The following FCHSD2 variants were observed in gnomAD, a reference collection of about 807,000 sequenced individuals.
FCHSD2 encodes F-BAR and double SH3 domains protein 2.
In FCHSD2, 38 loss-of-function variants were observed where a neutral mutation model predicts 108.1. The observed-to-expected ratio is 0.35, with a 90% CI of 0.27 to 0.46. The LOEUF (loss-of-function observed/expected upper bound fraction) is 0.46. Among genes scored for constraint, FCHSD2 ranks in the 20% least tolerant of loss-of-function variants. FCHSD2 has a pLI of 1.00. For missense variants in FCHSD2, 751 were observed against 897.8 expected, an observed-to-expected ratio of 0.84 and a Z score of 2.09; for synonymous variants, 279 against 314.7, an observed-to-expected ratio of 0.89 and a Z score of 1.20.
intron 8 of FCHSD2, among the ~76,000 whole-genome samples, chr11:72,980,899 T>G (rs1223612903): frequency 6.6e-6 from 1 of 152,100 alleles, no homozygotes; most frequent in African/African-American, 2.4e-5. Flanking sequence ...TGTGTATGAT[T>G]AAACCAACAA....
intron 3 of FCHSD2, among the ~76,000 whole-genome samples, chr11:73,052,791 T>C (rs998276742): frequency 6.6e-6 from 1 of 152,192 alleles, no homozygotes; most frequent in Non-Finnish European, 1.5e-5. Flanking sequence ...CAAAAAAAGA[T>C]GCTAATAGCA....
At chr11:73,081,026 T>C (rs911832991) in intron 3 of FCHSD2, among the ~76,000 whole-genome samples, 4 of 152,090 alleles carry the variant, frequency 2.6e-5, no homozygotes, top group African/African-American at 7.2e-5. Context: ...AAAGTAGACA[T>C]CCACTTTTAA....
chr11:73,117,780 T>C (rs1860638477), intron 2 of FCHSD2, among the ~76,000 whole-genome samples: 1 of 152,202 alleles, frequency 6.6e-6, no homozygotes, highest in Non-Finnish European at 1.5e-5. Flanking sequence ...TTATCACATA[T>C]CTATCCATTT....
At chr11:72,984,003 T>C (rs1857264421) in intron 8 of FCHSD2, 85 bp downstream of exon 8, 3 of 1,076,192 alleles carry the variant, frequency 2.8e-6, no homozygotes, top group Non-Finnish European at 4.2e-6. Context: ...CTTTTATAGA[T>C]TCAATCCCAT....
intron 5 of FCHSD2, among the ~76,000 whole-genome samples, chr11:72,993,756 T>G (rs2135409874): frequency 2.7e-5 from 3 of 112,188 alleles, no homozygotes; most frequent in African/African-American, 6.8e-5. Flanking sequence ...TGGGGCCTGT[T>G]GTGGGGTGAG....
intron 3 of FCHSD2, among the ~76,000 whole-genome samples, chr11:73,049,923 AG>A (rs1858859664): frequency 6.6e-6 from 1 of 152,194 alleles, no homozygotes; most frequent in Admixed American, 6.5e-5. Context: ...TGTACAAGGA[AG>A]GTTTCTTAAA....
At chr11:73,140,655 C>A (rs1238033237) in intron 1 of FCHSD2, among the ~76,000 whole-genome samples, 3 of 152,240 alleles carry the variant, frequency 2.0e-5, no homozygotes, top group Non-Finnish European at 4.4e-5. Flanking sequence ...CCTCGACTTG[C>A]TGACAGCGCA....
intron 8 of FCHSD2, among the ~76,000 whole-genome samples, chr11:72,963,978 T>G (rs1856860518): frequency 6.6e-6 from 1 of 152,320 alleles, no homozygotes; most frequent in Non-Finnish European, 1.5e-5. Flanking sequence ...AACTTGGAAG[T>G]AGATCTTTAC....
intron 3 of FCHSD2, among the ~76,000 whole-genome samples, chr11:73,025,636 C>T (rs1380540757): frequency 1.3e-5 from 2 of 151,964 alleles, no homozygotes; most frequent in Non-Finnish European, 2.9e-5. Flanking sequence ...TACCCCTGAA[C>T]TTAAAATAAA....
intron 12 of FCHSD2, among the ~76,000 whole-genome samples, chr11:72,881,537 A>G (rs1257203073): frequency 1.3e-5 from 2 of 152,200 alleles, no homozygotes; most frequent in Admixed American, 6.5e-5. Context: ...CCTCTTTTGG[A>G]TATTTATCCA....
At chr11:72,967,384 A>G (rs1410669524) in intron 8 of FCHSD2, among the ~76,000 whole-genome samples, 1 of 152,130 alleles carries the variant, frequency 6.6e-6, no homozygotes, top group Non-Finnish European at 1.5e-5. Context: ...GAATGGGTAA[A>G]CAAAATATGG....
chr11:72,961,149 C>T (rs980460155), intron 8 of FCHSD2, among the ~76,000 whole-genome samples: 3 of 151,914 alleles, frequency 2.0e-5, no homozygotes, highest in Non-Finnish European at 4.4e-5. Flanking sequence ...TGGTATCTGC[C>T]CTCCCAATTC....
chr11:72,952,281 C>A (rs1856633697), intron 8 of FCHSD2, among the ~76,000 whole-genome samples: 1 of 151,808 alleles, frequency 6.6e-6, no homozygotes, highest in Non-Finnish European at 1.5e-5. Context: ...AGAGCAAAAA[C>A]AATTCCATAC....
intron 8 of FCHSD2, among the ~76,000 whole-genome samples, chr11:72,937,788 T>C (rs1342404497): frequency 6.6e-6 from 1 of 152,196 alleles, no homozygotes; most frequent in Non-Finnish European, 1.5e-5. Flanking sequence ...TTATACAGGG[T>C]GCTAGAAGAG....
At chr11:73,035,140 G>T (rs1430267412) in intron 3 of FCHSD2, among the ~76,000 whole-genome samples, 2 of 148,858 alleles carry the variant, frequency 1.3e-5, no homozygotes, top group Non-Finnish European at 3.0e-5. Context: ...CTTGTTTTTA[G>T]TTTTTATTTT....
intron 2 of FCHSD2, among the ~76,000 whole-genome samples, chr11:73,129,845 T>C (rs1026758742): frequency 1.3e-5 from 2 of 151,594 alleles, no homozygotes; most frequent in Non-Finnish European, 2.9e-5. Flanking sequence ...ATCACACCTA[T>C]GCTACCACAC....
At chr11:73,018,517 CTTTTT>C (rs543899306) in intron 3 of FCHSD2, among the ~76,000 whole-genome samples, 2 of 138,186 alleles carry the variant, frequency 1.4e-5, no homozygotes, top group African/African-American at 2.7e-5. Flanking sequence ...CAGATCTTGT[CTTTTT>C]TTTTTTTTTT....
chr11:72,880,305 G>A (rs755134631), intron 12 of FCHSD2, among the ~76,000 whole-genome samples: 23 of 152,118 alleles, frequency 1.5e-4, no homozygotes, highest in Non-Finnish European at 7.4e-5. Context: ...AAAAGTCCCT[G>A]AATAGCCAAA....
At chr11:72,939,898 A>T (rs1215498482) in intron 8 of FCHSD2, among the ~76,000 whole-genome samples, 1 of 152,050 alleles carries the variant, frequency 6.6e-6, no homozygotes, top group African/African-American at 2.4e-5. Context: ...GATTACAGGC[A>T]TGAGCCACCA....
Sources: allele counts gnomAD v4.1 joint callset (sites outside exome capture counted in the v4.1 genomes callset), GRCh38; gene constraint gnomAD v4.1.1; transcripts MANE v1.5; gene names NCBI Gene and HGNC (gene_info 2026-07-23, HGNC 2026-07-21).